Variants in MCM4 observed in about 807,000 individuals in gnomAD.
The protein encoded by MCM4 is DNA replication licensing factor MCM4.
In MCM4, 60 loss-of-function variants were observed where a neutral mutation model predicts 88.7. The ratio of observed to expected loss-of-function variants is 0.68; its 90% CI spans 0.55 to 0.84. MCM4 has a LOEUF of 0.84. Among genes scored for constraint, MCM4 ranks in the 40% least tolerant of loss-of-function variants. The pLI is 0.00. For missense variants in MCM4, 1,149 were observed against 1,105.5 expected, an observed-to-expected ratio of 1.04 and a Z score of -0.56; for synonymous variants, 465 against 410.5, an observed-to-expected ratio of 1.13 and a Z score of -1.61.
chr8:47,973,474 C>G (rs976135968), intron 14 of MCM4, among the ~76,000 whole-genome samples: 1 of 151,858 alleles, frequency 6.6e-6, no homozygotes. Context: ...CCATGCTGGG[C>G]CTAAGAATAA....
chr8:47,974,665 A>T, intron 14 of MCM4, 69 bp from the exon 15 acceptor site: 1 of 1,269,852 alleles, frequency 7.9e-7, no homozygotes, highest in Non-Finnish European at 1.1e-6. Context: ...AGTGTTCAAA[A>T]TTCACCCACA....
chr8:47,966,388 T>C lies in MCM4; in HGVS notation c.1034T>C (p.Leu345Pro). Residue 345 changes from leucine (L) to proline (P), a missense_variant, in exon 9 of 17, where the codon CTC (leucine) becomes CCC (proline). Physicochemically the swap from Leu to Pro is moderately conservative, Grantham distance 98. Coordinates refer to ENST00000649973, the MANE Select transcript of MCM4 (RefSeq NM_182746.3). ...HSMALIHNRS[L>P]FSDKQMIKLQ... ...ATGGCACTCATCCACAACCGCTCCCTCTTCTCTGACAAGCAGATGGTGCGC... is the reference window on the plus strand; with the variant it reads ...ATGGCACTCATCCACAACCGCTCCCCCTTCTCTGACAAGCAGATGGTGCGC... 6.2e-7 allele frequency: 1 copy of C among 1,611,604 alleles called. No individual in the cohort carries two copies.
Position 47,973,069 on chromosome 8 carries a change from C to A in MCM4, c.2136+5C>A. The A allele has an allele frequency of 6.2e-7, 1 of 1,611,490 alleles. No homozygotes were observed. The highest frequency in any genetic ancestry group is 8.5e-7 in the Non-Finnish European group (1 of 1,179,428). ...GCCAGCCAGGCTCTCATCGAGGTAA[C>A]CCTGCTGAAAAAAGGCTTACTGTGC... On this transcript the variant is annotated splice_donor_5th_base_variant and intron_variant, in intron 14 of 16. Transcript: ENST00000649973.
At position 47,976,773 on chromosome 8, in the gene MCM4, C is replaced by T; in HGVS notation, c.2587C>T (p.Leu863Phe). 6.2e-7 allele frequency: 1 copy of T among 1,608,892 alleles called. No individual in the cohort carries two copies. The highest frequency in any genetic ancestry group is 8.5e-7 in the Non-Finnish European group (1 of 1,175,516). Residue 863 changes from leucine to phenylalanine, a missense_variant, in exon 17 of 17, where the codon CTC becomes TTC. Transcript: ENST00000649973. ...LTVTGKTVRL[L>F] ...AGTGACTGGGAAGACCGTGCGCTTG[C>T]TCTGAAGCCTTGTGAGCAAGGAAGG... is the stretch of plus-strand genomic sequence containing the variant.
rs565872060 is a variant in MCM4 at position 47,973,209 on chromosome 8, T to A, written c.2136+145T>A. 3.7e-6 allele frequency: 3 copies of A among 806,342 alleles called. No individual in the cohort carries two copies. The South Asian group carries it at 5.3e-5, about 14-fold the overall frequency. The allele number at this position is 806,342 out of a possible 1,614,324, so 49.9% of individuals were successfully genotyped here. On this transcript the variant is annotated intron_variant, in intron 14 of 16. Transcript: ENST00000649973. ...GTTTTGAGACAGAGCCTGGCTCTCT[T>A]GCCCAGGCTGGAGTGCAGTGGCTTG...
rs886062979 is a variant in MCM4 at position 47,976,903 on chromosome 8, A to G, written c.*125A>G. 15 of 591,572 alleles carry G rather than the reference A, an allele frequency of 2.5e-5. No homozygotes were observed. The highest frequency in any genetic ancestry group is 4.5e-4 in the Middle Eastern group (1 of 2,212). 36.6% of individuals were successfully genotyped at this position (591,572 alleles called of 1,614,324 possible). Reference sequence around the variant, plus strand: ...TTAAAGTCATGGTTTGGCTGCATAAAAATTTTCTAACTTGGGTTCAATATT... The same window carrying G: ...TTAAAGTCATGGTTTGGCTGCATAAGAATTTTCTAACTTGGGTTCAATATT... On this transcript the variant is annotated 3_prime_UTR_variant, in exon 17 of 17. Coordinates refer to ENST00000649973, the MANE Select transcript of MCM4 (RefSeq NM_182746.3).
chr8:47,975,071 T>A, intron 15 of MCM4, 109 bp downstream of exon 15: 1 of 913,378 alleles, frequency 1.1e-6, no homozygotes, highest in Non-Finnish European at 1.6e-6. Context: ...CAGAAGTTCT[T>A]AACCTTTTTT....
intron 15 of MCM4, chr8:47,975,218 G>A (rs1285510437): frequency 1.4e-5 from 5 of 356,282 alleles, no homozygotes; most frequent in Non-Finnish European, 2.6e-5. Flanking sequence ...TAGGGTACAT[G>A]TGCACAACGT....
chr8:47,963,839 C>T (rs1453533185), intron 7 of MCM4, among the ~76,000 whole-genome samples: 1 of 152,210 alleles, frequency 6.6e-6, no homozygotes, highest in Non-Finnish European at 1.5e-5. Flanking sequence ...GCTGCATAAC[C>T]TTGGTCAAGT....
intron 11 of MCM4, 116 bp from the exon 12 acceptor site, chr8:47,970,394 TC>T: frequency 3.0e-6 from 4 of 1,332,902 alleles, no homozygotes; most frequent in Non-Finnish European, 4.1e-6. Context: ...TTTTATACCT[TC>T]CTGTGATTTC....
chr8:47,971,919 A>C (rs2090956262), intron 13 of MCM4, among the ~76,000 whole-genome samples: 2 of 151,198 alleles, frequency 1.3e-5, no homozygotes, highest in East Asian at 3.9e-4. Context: ...AAAACAGTTG[A>C]ATGTGTTTTC....
Position 47,972,969 on chromosome 8 carries a change from C to G in MCM4, c.2041C>G (p.Leu681Val). The G allele has an allele frequency of 1.2e-6, 2 of 1,614,176 alleles. No homozygotes were observed. Among genetic ancestry groups the G allele is most frequent in the South Asian group, 2.2e-5 (2 of 91,084 alleles). ...GAGCGAGGAGCAGGCAGAGGAGGAGCTCCTGGACATGGCGGTGCTAAAGGA... is the reference window on the plus strand; with the variant it reads ...GAGCGAGGAGCAGGCAGAGGAGGAGGTCCTGGACATGGCGGTGCTAAAGGA... ...YQSEEQAEEE[L>V]LDMAVLKDYI... The change falls in exon 14 of 17, where the codon CTC (leucine) becomes GTC (valine). Residue 681 changes from leucine to valine, a missense_variant. By Grantham distance (32) the Leu-to-Val change is conservative (BLOSUM62 1). Around this residue, in one of 3 missense-constraint regions of MCM4, gnomAD observed 238 missense variants for 241.6 expected, o/e 0.99. Transcript: ENST00000649973.
At chr8:47,967,060 C>T (rs1379118505) in intron 9 of MCM4, among the ~76,000 whole-genome samples, 1 of 152,236 alleles carries the variant, frequency 6.6e-6, no homozygotes, top group Non-Finnish European at 1.5e-5. Flanking sequence ...GAGAAAAGCC[C>T]AGCATCCTTA....
chr8:47,964,936 C>A (rs939078057), intron 8 of MCM4, among the ~76,000 whole-genome samples: 3 of 152,214 alleles, frequency 2.0e-5, no homozygotes, highest in Non-Finnish European at 4.4e-5. Flanking sequence ...TGACTATTGG[C>A]CGGGCACAGT....
At chr8:47,968,329 T>C (rs1443591113) in intron 10 of MCM4, among the ~76,000 whole-genome samples, 2 of 152,216 alleles carry the variant, frequency 1.3e-5, no homozygotes, top group East Asian at 3.8e-4. Flanking sequence ...CCCGCAGTTA[T>C]CACTGGCAAT....
At position 47,971,894 on chromosome 8, in the gene MCM4, G is replaced by GT. The variant is rs1163875447; in HGVS notation, c.1928+434dup. 5.3e-5 allele frequency among the ~76,000 whole-genome samples: 8 copies of GT among 151,248 alleles called. No homozygotes were observed. In the South Asian group the frequency reaches 8.4e-4, roughly 16 times the overall value. ...TTTTTTTTCTTTTTTTTTGACAGAA[G>GT]TTTTTTTTCCCAAAAAAACAGTTGA... On this transcript the variant is annotated intron_variant, in intron 13 of 16. Coordinates refer to ENST00000649973, the MANE Select transcript of MCM4 (RefSeq NM_182746.3).
intron 2 of MCM4, 125 bp from the exon 3 acceptor site, chr8:47,961,391 C>G (rs963324375): frequency 6.4e-7 from 1 of 1,558,980 alleles, no homozygotes; most frequent in Non-Finnish European, 8.6e-7. Flanking sequence ...CTGCTTAATT[C>G]GATTGCCATT....
chr8:47,974,405 C>T, intron 14 of MCM4: 1 of 290,930 alleles, frequency 3.4e-6, no homozygotes. Context: ...CTTCTCCTCT[C>T]CCCACATGCC....
chr8:47,964,755 C>A, intron 8 of MCM4, 43 bp downstream of exon 8: 9 of 1,482,680 alleles, frequency 6.1e-6, no homozygotes, highest in South Asian at 1.3e-5. Flanking sequence ...AAGGAAAATG[C>A]CTTACATGAA....
Sources: allele counts gnomAD v4.1 joint callset (sites outside exome capture counted in the v4.1 genomes callset), GRCh38; gene constraint gnomAD v4.1.1; regional missense constraint gnomAD v4.1.1; transcripts MANE v1.5; gene names NCBI Gene and HGNC (gene_info 2026-07-23, HGNC 2026-07-21).